Variants in CCSER1 observed in about 807,000 individuals in gnomAD.
CCSER1 encodes coiled-coil serine rich protein 1.
A neutral mutation model predicts 82.0 loss-of-function variants in CCSER1; 41 were observed. The observed-to-expected ratio is 0.50, with a 90% CI of 0.39 to 0.65. The LOEUF (loss-of-function observed/expected upper bound fraction) is 0.65, where lower values mean the gene tolerates loss of function less well. Ranked by LOEUF, CCSER1 falls within the 30% of genes least tolerant of loss-of-function variation. The probability of loss-of-function intolerance (pLI) is 0.00; values close to 1 mark genes in which losing one functional copy is unlikely to be tolerated. For synonymous variants in CCSER1, 414 were observed against 383.9 expected (o/e 1.08, Z -0.92); for missense variants, 1,119 against 1,064.2 (o/e 1.05, Z -0.72).
intron 10 of CCSER1, among the ~76,000 whole-genome samples, chr4:91,487,588 A>G (rs1010486855): frequency 3.3e-5 from 5 of 152,148 alleles, no homozygotes; most frequent in African/African-American, 1.2e-4. Context: ...TTAGATTATT[A>G]TGTTTCAATA....
Position 91,544,366 on chromosome 4 carries a change from C to G in CCSER1, c.2218-54206C>G, listed in dbSNP as rs531908437. Among the ~76,000 whole-genome samples, 3 of 152,316 alleles carry G rather than the reference C, an allele frequency of 2.0e-5. No individual in the cohort carries two copies. In the South Asian group the frequency reaches 6.2e-4, roughly 32 times the overall value. On this transcript the variant is annotated intron_variant, in intron 10 of 10. Transcript: ENST00000509176. ...CTGTTGCTGGCAAGGAACTGCGTCC[C>G]TTTGGAAGAGAAGAGATGCTCTGAT...
intron 10 of CCSER1, among the ~76,000 whole-genome samples, chr4:91,572,346 C>A (rs976513320): frequency 5.9e-5 from 9 of 151,976 alleles, no homozygotes; most frequent in African/African-American, 1.9e-4. Flanking sequence ...CAAAAGACAC[C>A]TGTAGGAGGT....
chr4:90,638,556 G>A (rs897190245), intron 6 of CCSER1, among the ~76,000 whole-genome samples: 4 of 152,190 alleles, frequency 2.6e-5, no homozygotes, highest in African/African-American at 9.6e-5. Context: ...TACACATATG[G>A]ATCCCATTGT....
intron 10 of CCSER1, among the ~76,000 whole-genome samples, chr4:91,177,970 A>G (rs921232622): frequency 5.3e-5 from 8 of 152,170 alleles, no homozygotes; most frequent in South Asian, 2.1e-4. Context: ...TTCCCTCTAC[A>G]TACCGCTTTA....
chr4:91,296,280 A>G (rs1409804881), intron 10 of CCSER1, among the ~76,000 whole-genome samples: 7 of 151,442 alleles, frequency 4.6e-5, no homozygotes, highest in Non-Finnish European at 1.0e-4. Flanking sequence ...GTTTTTCCAT[A>G]GAACACCACT....
intron 10 of CCSER1, among the ~76,000 whole-genome samples, chr4:91,299,795 T>TA: frequency 6.6e-6 from 1 of 151,780 alleles, no homozygotes; most frequent in Non-Finnish European, 1.5e-5. Flanking sequence ...TTTTTTTTTT[T>TA]AAATACATAT....
At chr4:91,140,478 G>T (rs1378707121) in intron 10 of CCSER1, among the ~76,000 whole-genome samples, 1 of 151,716 alleles carries the variant, frequency 6.6e-6, no homozygotes, top group African/African-American at 2.4e-5. Context: ...TAATATTTTG[G>T]CTATTAGAAT....
intron 10 of CCSER1, among the ~76,000 whole-genome samples, chr4:91,534,694 A>C (rs913742106): frequency 6.6e-5 from 10 of 151,990 alleles, no homozygotes; most frequent in African/African-American, 2.4e-4. Flanking sequence ...AGCTATATTA[A>C]TTCAATTTTT....
chr4:90,468,810 T>C (rs918766510), intron 5 of CCSER1, among the ~76,000 whole-genome samples: 4 of 152,154 alleles, frequency 2.6e-5, no homozygotes, highest in Non-Finnish European at 5.9e-5. Flanking sequence ...TATACTATTT[T>C]AGTGTTTTCA....
rs142898662 is a variant in CCSER1, at chr4:90,507,548, G to C, written c.1724+39194G>C. ...AATATATATATATGTATCATATATA[G>C]AGGTAGAAAAAGACAAAAATACAAT... On this transcript the variant is annotated intron_variant, in intron 5 of 10. Coordinates refer to ENST00000509176, the MANE Select transcript of CCSER1 (RefSeq NM_001145065.2). Among the ~76,000 whole-genome samples the C allele has an allele frequency of 4.9e-3, 742 of 152,054 alleles. 2 individuals carry two copies. Among genetic ancestry groups the C allele is most frequent in the African/African-American group, 0.017 (713 of 41,496 alleles).
intron 9 of CCSER1, among the ~76,000 whole-genome samples, chr4:91,054,261 C>T (rs1012151554): frequency 2.0e-5 from 3 of 152,148 alleles, no homozygotes; most frequent in Non-Finnish European, 1.5e-5. Context: ...AGGCCAGGCA[C>T]CAATTTAATC....
At chr4:91,295,788 T>A (rs1267185667) in intron 10 of CCSER1, among the ~76,000 whole-genome samples, 1 of 151,950 alleles carries the variant, frequency 6.6e-6, no homozygotes, top group Non-Finnish European at 1.5e-5. Context: ...TCTTTGGTGT[T>A]ACGCATCATA....
At chr4:90,691,554 A>G (rs1361891069) in intron 6 of CCSER1, among the ~76,000 whole-genome samples, 4 of 131,458 alleles carry the variant, frequency 3.0e-5, no homozygotes, top group African/African-American at 7.7e-5. Context: ...TGTACATATC[A>G]CATGTGTGTA....
At chr4:90,817,650 A>T (rs1441231774) in intron 8 of CCSER1, among the ~76,000 whole-genome samples, 1 of 151,882 alleles carries the variant, frequency 6.6e-6, no homozygotes, top group Non-Finnish European at 1.5e-5. Flanking sequence ...TTTAAAAAAA[A>T]TATAGTTTAT....
rs1378025926 is a variant in CCSER1, at chr4:91,013,847, T to A, written c.2173-72103T>A. Among the ~76,000 whole-genome samples the A allele has an allele frequency of 2.3e-5, 3 of 129,202 alleles. 1 individual carries two copies. Among genetic ancestry groups the A allele is most frequent in the Non-Finnish European group, 5.4e-5 (3 of 55,838 alleles). The allele number at this position is 129,202 out of a possible 152,430, so 84.8% of individuals were successfully genotyped here. On this transcript the variant is annotated intron_variant, in intron 9 of 10. Coordinates refer to ENST00000509176, the MANE Select transcript of CCSER1 (RefSeq NM_001145065.2). ...TGTGTTAGCCAGGATGGTCTGAATCTCCTGACCTCGTGATCCGCCTCTCTT... is the reference window on the plus strand; with the variant it reads ...TGTGTTAGCCAGGATGGTCTGAATCACCTGACCTCGTGATCCGCCTCTCTT...
At chr4:90,651,055 A>G (rs995410404) in intron 6 of CCSER1, among the ~76,000 whole-genome samples, 1 of 152,192 alleles carries the variant, frequency 6.6e-6, no homozygotes, top group Non-Finnish European at 1.5e-5. Flanking sequence ...AGACTTGAAT[A>G]ATAGTAGATG....
intron 7 of CCSER1, among the ~76,000 whole-genome samples, chr4:90,766,703 A>G (rs974820813): frequency 1.3e-5 from 2 of 152,178 alleles, no homozygotes; most frequent in Non-Finnish European, 2.9e-5. Flanking sequence ...TGGTATTGAA[A>G]TTGAATTTTA....
At chr4:91,376,503 T>A (rs1750424693) in intron 10 of CCSER1, among the ~76,000 whole-genome samples, 1 of 152,162 alleles carries the variant, frequency 6.6e-6, no homozygotes. Flanking sequence ...GAATTAAAGG[T>A]TGTTATGTGG....
intron 5 of CCSER1, among the ~76,000 whole-genome samples, chr4:90,618,053 A>G (rs1721627376): frequency 6.6e-6 from 1 of 152,068 alleles, no homozygotes; most frequent in African/African-American, 2.4e-5. Flanking sequence ...GAATACATAT[A>G]TCACAAGTCC....
Sources: allele counts gnomAD v4.1 joint callset (sites outside exome capture counted in the v4.1 genomes callset), GRCh38; gene constraint gnomAD v4.1.1; transcripts MANE v1.5; gene names NCBI Gene and HGNC (gene_info 2026-07-23, HGNC 2026-07-21).